SLC39A11: variants seen among roughly 807,000 people sequenced by gnomAD.
SLC39A11 encodes solute carrier family 39 member 11, also known as zinc transporter ZIP11.
Under a neutral mutation model 36.1 loss-of-function variants are expected in SLC39A11, and 33 were observed. The ratio of observed to expected loss-of-function variants is 0.91; its 90% confidence interval spans 0.69 to 1.22. The LOEUF (loss-of-function observed/expected upper bound fraction) is 1.22, where lower values mean the gene tolerates loss of function less well. SLC39A11 is among the 50% of genes most tolerant of loss of function. SLC39A11 has a pLI of 0.00. For missense variants in SLC39A11, 432 were observed against 430.3 expected (o/e 1.00, Z -0.03); for synonymous variants, 166 against 170.3 (o/e 0.97, Z 0.20).
At chr17:72,889,695 A>ATT (rs2081626927) in intron 5 of SLC39A11, among the ~76,000 whole-genome samples, 2 of 152,220 alleles carry the variant, frequency 1.3e-5, no homozygotes, top group African/African-American at 4.8e-5. Context: ...CATAATTTTT[A>ATT]CTTCCATCTA....
At position 72,729,428 on chromosome 17, in the gene SLC39A11, TATATATATATATATATATATATATATA is replaced by T. The variant is rs1567994589; in HGVS notation, c.671+7195_671+7221del. ...ATTTATATATATATATATATATATA[TATATATATATATATATATATATATATA>T]TATTTTTTTTTTTTTTTTTTTTTGT... On this transcript the variant is annotated intron_variant, in intron 7 of 9. Coordinates refer to ENST00000255559, the MANE Select transcript of SLC39A11 (RefSeq NM_139177.4). 6.6e-3 allele frequency among the ~76,000 whole-genome samples: 35 copies of T among 5,280 alleles called. 1 individual carries two copies. Among genetic ancestry groups the T allele is most frequent in the East Asian group, 0.016 (4 of 250 alleles). 3.5% of individuals were successfully genotyped at this position (5,280 alleles called of 152,430 possible).
rs77347311 is a variant in SLC39A11 at position 72,907,923 on chromosome 17, G to A, written c.430+39829C>T. 2.2e-3 allele frequency among the ~76,000 whole-genome samples: 334 copies of A among 152,324 alleles called. 2 individuals are homozygous for A. The highest frequency in any genetic ancestry group is 0.012 in the East Asian group (64 of 5,178). ...AGGAGGAGACAGGTCGTTCCTGGAC[G>A]TGGGAAGGGGTAGAGTGTGTTGAGG... On this transcript the variant is annotated intron_variant, in intron 5 of 9. Transcript: ENST00000255559.
At chr17:73,016,345 T>C (rs2058166361) in intron 4 of SLC39A11, among the ~76,000 whole-genome samples, 1 of 152,038 alleles carries the variant, frequency 6.6e-6, no homozygotes, top group African/African-American at 2.4e-5. Flanking sequence ...TTGATTTTTT[T>C]TTTTTTTTGA....
chr17:72,710,418 A>G (rs2073066611), intron 7 of SLC39A11, among the ~76,000 whole-genome samples: 1 of 152,232 alleles, frequency 6.6e-6, no homozygotes, highest in Non-Finnish European at 1.5e-5. Flanking sequence ...GGAAGTGATT[A>G]AGTCATGAGG....
At chr17:73,063,309 T>C (rs190950849) in intron 3 of SLC39A11, among the ~76,000 whole-genome samples, 26 of 152,288 alleles carry the variant, frequency 1.7e-4, no homozygotes, top group Non-Finnish European at 2.6e-4. Context: ...CACTGGGATA[T>C]ACAGATTGAC....
At chr17:72,829,992 T>A (rs749298626) in intron 6 of SLC39A11, among the ~76,000 whole-genome samples, 1 of 152,074 alleles carries the variant, frequency 6.6e-6, no homozygotes, top group Non-Finnish European at 1.5e-5. Flanking sequence ...GTCAGAGGGC[T>A]TCAGAAAACC....
chr17:72,683,713 G>C (rs1410334591), intron 7 of SLC39A11, among the ~76,000 whole-genome samples: 1 of 151,616 alleles, frequency 6.6e-6, no homozygotes, highest in East Asian at 1.9e-4. Context: ...AGAGTCAAAG[G>C]GTTGATCTCG....
chr17:72,921,071 T>C (rs1355896404), intron 5 of SLC39A11, among the ~76,000 whole-genome samples: 1 of 152,192 alleles, frequency 6.6e-6, no homozygotes, highest in Non-Finnish European at 1.5e-5. Flanking sequence ...GGTTGGTTGG[T>C]TGATAGGCTG....
intron 5 of SLC39A11, among the ~76,000 whole-genome samples, chr17:72,904,447 CAA>C (rs2082548959): frequency 6.6e-6 from 1 of 152,062 alleles, no homozygotes; most frequent in Non-Finnish European, 1.5e-5. Flanking sequence ...TTGGTGGTGA[CAA>C]AGCAAATCCT....
chr17:72,847,537 CGTATGATA>C (rs2079109174), intron 6 of SLC39A11, among the ~76,000 whole-genome samples: 1 of 151,980 alleles, frequency 6.6e-6, no homozygotes, highest in African/African-American at 2.4e-5. Context: ...TACCTATGAT[CGTATGATA>C]GACATTCCTA....
intron 4 of SLC39A11, among the ~76,000 whole-genome samples, chr17:72,969,856 A>G (rs747523761): frequency 7.9e-5 from 12 of 152,212 alleles, no homozygotes; most frequent in Non-Finnish European, 1.3e-4. Context: ...GGTTCATCCC[A>G]GAATATAATG....
At chr17:73,067,346 T>C (rs1226326203) in intron 3 of SLC39A11, among the ~76,000 whole-genome samples, 2 of 152,206 alleles carry the variant, frequency 1.3e-5, no homozygotes, top group Non-Finnish European at 2.9e-5. Context: ...TGCCACTTTG[T>C]AGCATGGAAG....
intron 6 of SLC39A11, among the ~76,000 whole-genome samples, chr17:72,835,275 T>C (rs1598923389): frequency 6.6e-6 from 1 of 152,184 alleles, no homozygotes; most frequent in East Asian, 1.9e-4. Flanking sequence ...ATGTAACCTG[T>C]TGGAGATGAA....
At position 73,028,809 on chromosome 17, in the gene SLC39A11, TAAA is replaced by T. The variant is rs59124161; in HGVS notation, c.306+2744_306+2746del. Among the ~76,000 whole-genome samples the T allele has an allele frequency of 8.3e-4, 117 of 141,538 alleles. 2 individuals carry two copies. The East Asian group carries it at 0.019, about 22-fold the overall frequency. 92.9% of individuals were successfully genotyped at this position (141,538 alleles called of 152,430 possible). A position where few individuals can be genotyped will look rare whatever the true frequency, so the allele number is the denominator to read the frequency against. ...TAGAACAAATATGAACCAAAAGGTTTAAAAAAAAAAAAAAAAACACTGCTGCAG... is the reference window on the plus strand; with the variant it reads ...TAGAACAAATATGAACCAAAAGGTTTAAAAAAAAAAAAAACACTGCTGCAG... On this transcript the variant is annotated intron_variant, in intron 4 of 9. Transcript: ENST00000255559.
chr17:73,005,331 C>G (rs2090121363), intron 4 of SLC39A11, among the ~76,000 whole-genome samples: 1 of 152,136 alleles, frequency 6.6e-6, no homozygotes, highest in African/African-American at 2.4e-5. Flanking sequence ...AAATAAGAAA[C>G]AGGACCAAAA....
intron 4 of SLC39A11, among the ~76,000 whole-genome samples, chr17:72,949,195 T>C (rs551607587): frequency 1.6e-5 from 2 of 124,076 alleles, no homozygotes; most frequent in Admixed American, 1.9e-4. Context: ...AGTTTCACTC[T>C]GTCACCTAGG....
chr17:72,862,660 A>G (rs555030052), intron 5 of SLC39A11, among the ~76,000 whole-genome samples: 27 of 152,166 alleles, frequency 1.8e-4, no homozygotes, highest in Non-Finnish European at 3.4e-4. Flanking sequence ...ACGGGCAGAC[A>G]TGTCTTGCTG....
intron 4 of SLC39A11, among the ~76,000 whole-genome samples, chr17:72,962,657 T>C (rs555232618): frequency 6.6e-6 from 1 of 152,150 alleles, no homozygotes; most frequent in South Asian, 2.1e-4. Context: ...CTGTCTCAGC[T>C]TCCCAAGTAG....
At chr17:72,792,292 A>G (rs1259988921) in intron 6 of SLC39A11, among the ~76,000 whole-genome samples, 1 of 152,184 alleles carries the variant, frequency 6.6e-6, no homozygotes, top group Non-Finnish European at 1.5e-5. Flanking sequence ...GGTGACCCTT[A>G]GTTCCCGCAG....
Sources: gnomAD v4.1 joint callset for allele counts (sites outside exome capture counted in the v4.1 genomes callset) on GRCh38, gnomAD v4.1.1 for gene constraint, MANE v1.5 for transcripts, NCBI Gene and HGNC (gene_info 2026-07-23, HGNC 2026-07-21) for gene names.